The following FBXL13 variants were observed in gnomAD, a reference collection of about 807,000 sequenced individuals.
FBXL13 encodes the protein F-box and leucine-rich repeat protein 13.
A neutral mutation model predicts 83.6 loss-of-function variants in FBXL13; 67 were observed. The ratio of observed to expected loss-of-function variants is 0.80; its 90% CI spans 0.66 to 0.98. The LOEUF (loss-of-function observed/expected upper bound fraction) is 0.98. Among genes scored for constraint, FBXL13 ranks in the 50% least tolerant of loss-of-function variants. FBXL13 has a pLI of 0.00. For missense variants in FBXL13, 822 were observed against 866.5 expected (o/e 0.95, Z 0.64); for synonymous variants, 272 against 299.5 (o/e 0.91, Z 0.95).
intron 11 of FBXL13, among the ~76,000 whole-genome samples, chr7:102,901,769 CT>C (rs1584849099): frequency 6.6e-6 from 1 of 152,274 alleles, no homozygotes; most frequent in South Asian, 2.1e-4. Flanking sequence ...GGATCTCATG[CT>C]TTTTTATGGC....
chr7:102,958,499 T>G (rs775238554), intron 8 of FBXL13, among the ~76,000 whole-genome samples: 2 of 149,536 alleles, frequency 1.3e-5, no homozygotes, highest in Non-Finnish European at 3.0e-5. Context: ...CAAACCTGCA[T>G]GTTGTGCACA....
At chr7:103,056,817 A>T (rs1393780573) in intron 1 of FBXL13, among the ~76,000 whole-genome samples, 1 of 149,746 alleles carries the variant, frequency 6.7e-6, no homozygotes. Flanking sequence ...CCACGCCAAC[A>T]TCTATTTTTT....
intron 11 of FBXL13, among the ~76,000 whole-genome samples, chr7:102,910,310 A>C (rs534534218): frequency 6.6e-6 from 1 of 152,274 alleles, no homozygotes; most frequent in East Asian, 1.9e-4. Flanking sequence ...TCTTTCAGTC[A>C]TATGAAGTTA....
intron 8 of FBXL13, among the ~76,000 whole-genome samples, chr7:102,942,922 G>C (rs1179583346): frequency 5.3e-5 from 8 of 152,126 alleles, no homozygotes; most frequent in Non-Finnish European, 7.4e-5. Flanking sequence ...GGAGTATCTG[G>C]CTGGTCCATA....
chr7:102,913,155 G>A, exon 11 of FBXL13: 1 of 1,614,140 alleles, frequency 6.2e-7, no homozygotes, highest in Non-Finnish European at 8.5e-7. Flanking sequence ...GGTACTGTAA[G>A]CCTTTGTCTG....
chr7:102,819,328 C>T (rs1348418214), intron 19 of FBXL13, among the ~76,000 whole-genome samples: 6 of 152,210 alleles, frequency 3.9e-5, no homozygotes, highest in South Asian at 2.1e-4. Context: ...TGCATCCACA[C>T]GGTGCTTCTG....
chr7:102,986,868 T>A (rs750545000), intron 6 of FBXL13, among the ~76,000 whole-genome samples: 3 of 151,768 alleles, frequency 2.0e-5, no homozygotes, highest in Non-Finnish European at 4.4e-5. Flanking sequence ...TGCAAAGATA[T>A]GGACCAAACT....
chr7:103,017,788 A>G (rs1006382522), intron 6 of FBXL13, among the ~76,000 whole-genome samples: 12 of 152,210 alleles, frequency 7.9e-5, no homozygotes, highest in African/African-American at 2.9e-4. Context: ...AAAGAGTAAA[A>G]AGAAATGAAC....
exon 6 of FBXL13, chr7:103,025,166 G>A (rs755256072): frequency 4.3e-6 from 7 of 1,610,176 alleles, no homozygotes; most frequent in Non-Finnish European, 5.9e-6. Flanking sequence ...GGATTCTTCT[G>A]CAGCAGCTCT....
chr7:102,947,159 T>A (rs1437563163), intron 8 of FBXL13, among the ~76,000 whole-genome samples: 2 of 152,210 alleles, frequency 1.3e-5, no homozygotes, highest in Admixed American at 1.3e-4. Context: ...TTTATTATTG[T>A]TCATGAGCCT....
At chr7:102,890,918 A>G (rs767053291) in intron 11 of FBXL13, among the ~76,000 whole-genome samples, 5 of 152,174 alleles carry the variant, frequency 3.3e-5, no homozygotes, top group Admixed American at 6.5e-5. Flanking sequence ...TCCAATGACT[A>G]ATAGGTAGTG....
At chr7:103,033,222 T>C (rs530461708) in intron 2 of FBXL13, among the ~76,000 whole-genome samples, 1 of 152,272 alleles carries the variant, frequency 6.6e-6, no homozygotes, top group Non-Finnish European at 1.5e-5. Context: ...AAGACAAGAA[T>C]GGGGATGGGG....
At chr7:102,866,408 G>A (rs552198394) in intron 16 of FBXL13, among the ~76,000 whole-genome samples, 121 of 152,304 alleles carry the variant, frequency 7.9e-4, no homozygotes, top group African/African-American at 2.8e-3. Flanking sequence ...ACTGGCTGGA[G>A]AGAAGGGCCT....
intron 8 of FBXL13, among the ~76,000 whole-genome samples, chr7:102,953,145 A>G (rs1585107836): frequency 6.6e-6 from 1 of 152,180 alleles, no homozygotes; most frequent in Non-Finnish European, 1.5e-5. Flanking sequence ...AATACCTCCT[A>G]CCTCATTCGA....
rs1438811088 is a variant in FBXL13 at position 102,813,655 on chromosome 7, C to T, written c.2019-124G>A. 14 of 956,108 alleles carry T rather than the reference C, an allele frequency of 1.5e-5. No homozygotes were observed. The East Asian group carries it at 3.5e-4, about 24-fold the overall frequency. The allele number at this position is 956,108 out of a possible 1,614,324, so 59.2% of individuals were successfully genotyped here. A position where few individuals can be genotyped will look rare whatever the true frequency, so the allele number is the denominator to read the frequency against. On this transcript the variant is annotated intron_variant, in intron 19 of 19. Coordinates refer to ENST00000313221, the Ensembl canonical transcript of FBXL13. ...CAATCTGAATTCACATGAGACCTCT[C>T]TTGCCTTGCTGAGAGTGAGGATATG...
chr7:103,073,677 A>G (rs1799269679), intron 1 of FBXL13, among the ~76,000 whole-genome samples: 1 of 152,214 alleles, frequency 6.6e-6, no homozygotes, highest in South Asian at 2.1e-4. Flanking sequence ...TCTCTAAAGT[A>G]GATCCCTAGA....
At chr7:102,944,764 T>C in intron 8 of FBXL13, 1 of 643,680 alleles carries the variant, frequency 1.6e-6, no homozygotes, top group Non-Finnish European at 2.5e-6. Flanking sequence ...ACTATTATAG[T>C]AATCAAGAGA....
chr7:102,827,449 GT>G (rs1457728981), intron 18 of FBXL13, among the ~76,000 whole-genome samples: 4 of 152,266 alleles, frequency 2.6e-5, no homozygotes, highest in Non-Finnish European at 2.9e-5. Context: ...AGAGTGACTG[GT>G]TACACAGCAA....
intron 11 of FBXL13, among the ~76,000 whole-genome samples, chr7:102,896,307 A>G (rs1242812892): frequency 6.6e-6 from 1 of 152,194 alleles, no homozygotes; most frequent in Non-Finnish European, 1.5e-5. Context: ...TGCAGGAGGC[A>G]GGGGTGAAAG....
Sources: allele counts gnomAD v4.1 joint callset (sites outside exome capture counted in the v4.1 genomes callset), GRCh38; gene constraint gnomAD v4.1.1; transcripts MANE v1.5; gene names NCBI Gene and HGNC (gene_info 2026-07-23, HGNC 2026-07-21).